The following RNF216 variants were observed in gnomAD, a reference collection of about 807,000 sequenced individuals.
RNF216 encodes the protein E3 ubiquitin-protein ligase RNF216.
A neutral mutation model predicts 110.8 loss-of-function variants in RNF216; 72 were observed. The ratio of observed to expected loss-of-function variants is 0.65; its 90% CI spans 0.54 to 0.79. The LOEUF (loss-of-function observed/expected upper bound fraction) is 0.79, where lower values mean the gene tolerates loss of function less well. RNF216 is among the 30% of genes least tolerant of loss of function. The pLI, the probability that RNF216 is intolerant of heterozygous loss-of-function variation, is 0.00. For synonymous variants in RNF216, 495 were observed against 407.5 expected (o/e 1.21, Z -2.59); for missense variants, 1,342 against 1,141.2 (o/e 1.18, Z -2.54).
chr7:5,643,008 G>A (rs1398358719), intron 14 of RNF216, among the ~76,000 whole-genome samples: 1 of 152,054 alleles, frequency 6.6e-6, no homozygotes, highest in East Asian at 1.9e-4. Context: ...TGAAGGCTTG[G>A]AAAGAGGGTC....
intron 13 of RNF216, among the ~76,000 whole-genome samples, chr7:5,670,829 T>C (rs117106710): frequency 0.018 from 2,792 of 152,304 alleles, 40 homozygotes; most frequent in Non-Finnish European, 0.029. Context: ...CGGGAGGAAC[T>C]TGTAGTGGTG....
chr7:5,759,065 T>G (rs186709497), intron 2 of RNF216, among the ~76,000 whole-genome samples: 1 of 152,264 alleles, frequency 6.6e-6, no homozygotes, highest in East Asian at 1.9e-4. Flanking sequence ...TCCGTTCTGG[T>G]TGCAACAGTG....
chr7:5,663,879 CAGAG>C (rs1562803110), intron 13 of RNF216, among the ~76,000 whole-genome samples: 1 of 151,990 alleles, frequency 6.6e-6, no homozygotes, highest in Non-Finnish European at 1.5e-5. Context: ...GCCTGGGCGA[CAGAG>C]AGGGAGTCCG....
intron 7 of RNF216, among the ~76,000 whole-genome samples, chr7:5,728,054 G>T (rs555622020): frequency 1.3e-5 from 2 of 152,050 alleles, no homozygotes; most frequent in African/African-American, 4.8e-5. Flanking sequence ...CAGCACATTG[G>T]CAACCAACGT....
intron 13 of RNF216, among the ~76,000 whole-genome samples, chr7:5,655,995 A>AC (rs969442340): frequency 1.3e-5 from 2 of 151,916 alleles, no homozygotes; most frequent in African/African-American, 4.8e-5. Context: ...AGCTGAGACT[A>AC]CCAGTGATCA....
intron 1 of RNF216, among the ~76,000 whole-genome samples, chr7:5,768,211 G>A (rs1309230574): frequency 2.6e-5 from 4 of 151,440 alleles, no homozygotes; most frequent in Non-Finnish European, 4.4e-5. Context: ...AGCACTTTGG[G>A]AGGCTGAAGC....
At chr7:5,657,254 C>G (rs1458242129) in intron 13 of RNF216, among the ~76,000 whole-genome samples, 1 of 152,194 alleles carries the variant, frequency 6.6e-6, no homozygotes, top group Non-Finnish European at 1.5e-5. Context: ...TTTCAGCTCT[C>G]TGTTCTGTCA....
intron 13 of RNF216, among the ~76,000 whole-genome samples, chr7:5,698,031 T>C (rs1415077120): frequency 6.6e-6 from 1 of 152,208 alleles, no homozygotes; most frequent in Non-Finnish European, 1.5e-5. Flanking sequence ...AAACTTCAAA[T>C]GCTTTTCATA....
intron 13 of RNF216, among the ~76,000 whole-genome samples, chr7:5,652,988 AAC>A (rs1788491276): frequency 6.6e-6 from 1 of 152,210 alleles, no homozygotes; most frequent in African/African-American, 2.4e-5. Flanking sequence ...GGGTTTTTAA[AAC>A]ACAGTAGCAC....
At chr7:5,698,382 T>TAC (rs1301943842) in intron 13 of RNF216, among the ~76,000 whole-genome samples, 2 of 76,368 alleles carry the variant, frequency 2.6e-5, no homozygotes, top group African/African-American at 8.8e-5. Flanking sequence ...TAGATTCTTT[T>TAC]ATACACACAC....
intron 3 of RNF216, among the ~76,000 whole-genome samples, chr7:5,748,607 TAC>T (rs1239567218): frequency 3.1e-5 from 3 of 97,326 alleles, no homozygotes; most frequent in Non-Finnish European, 6.0e-5. Context: ...ATTTTTTATA[TAC>T]ATACACACAC....
chr7:5,663,767 G>A lies in RNF216; in HGVS notation c.2062-11257C>T, dbSNP rs553481415. Among the ~76,000 whole-genome samples the A allele has an allele frequency of 2.0e-5, 3 of 151,802 alleles. No individual in the cohort carries two copies. In the East Asian group the frequency reaches 5.8e-4, roughly 29 times the overall value. On this transcript the variant is annotated intron_variant, in intron 13 of 16. Transcript: ENST00000389902. ...ACAAAAATTAGCCGGGTGTGGTGGC[G>A]CACGCCTGTAGTCCCAGCTACTCAG...
chr7:5,770,558 T>C (rs1796442603), intron 1 of RNF216, among the ~76,000 whole-genome samples: 2 of 152,044 alleles, frequency 1.3e-5, no homozygotes, highest in South Asian at 4.1e-4. Flanking sequence ...TGCAAAGATG[T>C]CCTTTCACTC....
At chr7:5,774,618 G>C (rs1246508981) in intron 1 of RNF216, among the ~76,000 whole-genome samples, 2 of 152,104 alleles carry the variant, frequency 1.3e-5, no homozygotes. Flanking sequence ...AGGCTATGTT[G>C]AAAAATGAGA....
chr7:5,781,089 A>G (rs2345666), intron 1 of RNF216, among the ~76,000 whole-genome samples: 70,084 of 152,038 alleles, frequency 0.46, 16,620 homozygotes, highest in Admixed American at 0.53. Flanking sequence ...GATGTGAGGG[A>G]AGAGGAGGAA....
chr7:5,647,323 TCTTTC>T (rs1788110727), intron 14 of RNF216, among the ~76,000 whole-genome samples: 1 of 135,432 alleles, frequency 7.4e-6, no homozygotes, highest in Non-Finnish European at 1.5e-5. Context: ...TCATTTTCTT[TCTTTC>T]TTTTTTTTTT....
intron 1 of RNF216, 30 bp from the exon 2 acceptor site, chr7:5,761,168 A>C: frequency 1.5e-6 from 1 of 656,580 alleles, no homozygotes; most frequent in Non-Finnish European, 2.6e-6. Flanking sequence ...TAACAGTAAG[A>C]ATGAGGGAGT....
intron 1 of RNF216, among the ~76,000 whole-genome samples, chr7:5,761,517 G>A (rs545394318): frequency 2.6e-4 from 39 of 152,354 alleles, no homozygotes; most frequent in African/African-American, 9.4e-4. Context: ...GCCAGACGCA[G>A]TGGCTCACGC....
intron 15 of RNF216, among the ~76,000 whole-genome samples, chr7:5,640,647 C>T (rs1787680470): frequency 6.6e-6 from 1 of 152,198 alleles, no homozygotes; most frequent in Admixed American, 6.5e-5. Flanking sequence ...CTACAGATAC[C>T]ATATAATGAT....
Sources: allele counts gnomAD v4.1 joint callset (sites outside exome capture counted in the v4.1 genomes callset), GRCh38; gene constraint gnomAD v4.1.1; transcripts MANE v1.5; gene names NCBI Gene and HGNC (gene_info 2026-07-23, HGNC 2026-07-21).